The following GRM5 variants were observed in gnomAD, a reference collection of about 807,000 sequenced individuals.
The protein encoded by GRM5 is glutamate metabotropic receptor 5, also known as metabotropic glutamate receptor 5.
A neutral mutation model predicts 83.1 loss-of-function variants in GRM5; 19 were observed. The observed-to-expected ratio is 0.23, with a 90% confidence interval of 0.16 to 0.34. The LOEUF (loss-of-function observed/expected upper bound fraction) is 0.34. Among genes scored for constraint, GRM5 ranks in the 10% least tolerant of loss-of-function variants. The pLI is 1.00. For missense variants in GRM5, 1,160 were observed against 1,588.3 expected (o/e 0.73, Z 4.58); for synonymous variants, 675 against 633.6 (o/e 1.07, Z -0.98).
At chr11:88,938,696 C>G (rs1275248815) in intron 2 of GRM5, among the ~76,000 whole-genome samples, 1 of 151,610 alleles carries the variant, frequency 6.6e-6, no homozygotes, top group East Asian at 1.9e-4. Flanking sequence ...TACTCACTGT[C>G]TTCTCATCTC....
chr11:88,726,878 T>G (rs1941694810), intron 3 of GRM5, among the ~76,000 whole-genome samples: 1 of 152,080 alleles, frequency 6.6e-6, no homozygotes, highest in Non-Finnish European at 1.5e-5. Context: ...TTACAAAAGC[T>G]CCTGAAGAAA....
chr11:88,775,164 C>G (rs1465214016), intron 3 of GRM5, among the ~76,000 whole-genome samples: 2 of 152,130 alleles, frequency 1.3e-5, no homozygotes. Flanking sequence ...CTGGTTTAGT[C>G]TTGGGAGCGT....
chr11:88,696,504 G>A (rs1940905994), intron 3 of GRM5, among the ~76,000 whole-genome samples: 1 of 152,150 alleles, frequency 6.6e-6, no homozygotes, highest in South Asian at 2.1e-4. Flanking sequence ...AATGACATGT[G>A]ATTTGAACAT....
chr11:88,975,522 C>T (rs768478791), intron 2 of GRM5, among the ~76,000 whole-genome samples: 2 of 152,092 alleles, frequency 1.3e-5, no homozygotes, highest in African/African-American at 4.8e-5. Context: ...CACCTAGGAC[C>T]ACCCTTCATT....
intron 2 of GRM5, among the ~76,000 whole-genome samples, chr11:88,941,917 C>T (rs1390378041): frequency 2.0e-5 from 3 of 152,034 alleles, no homozygotes; most frequent in East Asian, 1.9e-4. Flanking sequence ...TGCAGGACAA[C>T]GGACCAGGAC....
intron 4 of GRM5, among the ~76,000 whole-genome samples, chr11:88,616,871 C>G (rs569144625): frequency 6.6e-6 from 1 of 152,216 alleles, no homozygotes; most frequent in South Asian, 2.1e-4. Flanking sequence ...GGTGATCTGT[C>G]ACTGATTTCC....
At chr11:89,026,955 G>A (rs1280442716) in intron 2 of GRM5, among the ~76,000 whole-genome samples, 1 of 152,150 alleles carries the variant, frequency 6.6e-6, no homozygotes, top group Non-Finnish European at 1.5e-5. Context: ...GATTGCACAT[G>A]GGACAGAAGA....
intron 4 of GRM5, among the ~76,000 whole-genome samples, chr11:88,649,422 TTA>T (rs1172906751): frequency 7.0e-6 from 1 of 143,594 alleles, no homozygotes; most frequent in African/African-American, 2.5e-5. Context: ...GCATTATATA[TTA>T]TATATGACAT....
chr11:88,522,569 T>TTCTCTCTC (rs146352449), intron 9 of GRM5, among the ~76,000 whole-genome samples: 5,695 of 132,532 alleles, frequency 0.043, 150 homozygotes, highest in Non-Finnish European at 0.073. Context: ...CAGGTCTCTC[T>TTCTCTCTC]TCTCTCTCTC....
At chr11:89,012,090 T>C (rs1011343121) in intron 2 of GRM5, among the ~76,000 whole-genome samples, 6 of 150,752 alleles carry the variant, frequency 4.0e-5, no homozygotes, top group African/African-American at 1.5e-4. Flanking sequence ...AAAAAAAGGG[T>C]GGGAAAAAGA....
chr11:88,660,642 G>C (rs531392104), intron 3 of GRM5, among the ~76,000 whole-genome samples: 4 of 152,290 alleles, frequency 2.6e-5, no homozygotes, highest in Non-Finnish European at 5.9e-5. Context: ...GCATGCTAGG[G>C]CCACACAGTT....
chr11:88,669,442 T>C (rs990311480), intron 3 of GRM5, among the ~76,000 whole-genome samples: 6 of 152,012 alleles, frequency 3.9e-5, no homozygotes, highest in Admixed American at 1.3e-4. Context: ...CACTACTTTT[T>C]CCCAATATTT....
intron 2 of GRM5, among the ~76,000 whole-genome samples, chr11:88,947,620 T>C (rs1465050231): frequency 6.6e-6 from 1 of 152,094 alleles, no homozygotes; most frequent in East Asian, 1.9e-4. Flanking sequence ...AAGTATTATA[T>C]TTGCTAACTA....
intron 3 of GRM5, among the ~76,000 whole-genome samples, chr11:88,746,747 A>G (rs1312515185): frequency 6.6e-6 from 1 of 152,180 alleles, no homozygotes. Flanking sequence ...GCTATTTTCT[A>G]TATATTCACA....
At chr11:88,778,307 G>A (rs1942901916) in intron 3 of GRM5, among the ~76,000 whole-genome samples, 1 of 152,218 alleles carries the variant, frequency 6.6e-6, no homozygotes, top group Non-Finnish European at 1.5e-5. Context: ...TAAGACCTTG[G>A]GAAAAGCACA....
intron 8 of GRM5, among the ~76,000 whole-genome samples, chr11:88,527,245 T>C (rs953424580): frequency 6.6e-6 from 1 of 152,192 alleles, no homozygotes; most frequent in Middle Eastern, 3.2e-3. Context: ...TACAAAGGGA[T>C]CCTTAACATA....
intron 7 of GRM5, among the ~76,000 whole-genome samples, chr11:88,581,628 G>C (rs1943214067): frequency 6.6e-6 from 1 of 152,152 alleles, no homozygotes; most frequent in Non-Finnish European, 1.5e-5. Flanking sequence ...GTAATGTAGT[G>C]AACTTATCTA....
intron 2 of GRM5, among the ~76,000 whole-genome samples, chr11:88,916,297 C>T (rs1333133638): frequency 2.6e-5 from 4 of 152,088 alleles, no homozygotes; most frequent in Non-Finnish European, 5.9e-5. Context: ...GTACACCACC[C>T]CTCCCCCATC....
chr11:88,922,991 A>G (rs925002306), intron 2 of GRM5, among the ~76,000 whole-genome samples: 2 of 152,196 alleles, frequency 1.3e-5, no homozygotes, highest in Non-Finnish European at 2.9e-5. Context: ...AATATCATTG[A>G]TCATCAGAGA....
Sources: gnomAD v4.1 joint callset for allele counts (sites outside exome capture counted in the v4.1 genomes callset) on GRCh38, gnomAD v4.1.1 for gene constraint, MANE v1.5 for transcripts, NCBI Gene and HGNC (gene_info 2026-07-23, HGNC 2026-07-21) for gene names.